The following SENP8 variants were observed in gnomAD, a reference collection of about 807,000 sequenced individuals.
SENP8 encodes sentrin-specific protease 8.
SENP8 carries 10 observed loss-of-function variants against 14.4 expected under a neutral mutation model. The ratio of observed to expected loss-of-function variants is 0.69; its 90% CI spans 0.43 to 1.18. The LOEUF (loss-of-function observed/expected upper bound fraction) is 1.18, where lower values mean the gene tolerates loss of function less well. Ranked by LOEUF, SENP8 falls within the 50% of genes most tolerant of loss-of-function variation. The pLI, the probability that SENP8 is intolerant of heterozygous loss-of-function variation, is 0.00. For missense variants in SENP8, 202 were observed against 249.4 expected, an observed-to-expected ratio of 0.81 and a Z score of 1.28; for synonymous variants, 94 against 95.5, an observed-to-expected ratio of 0.98 and a Z score of 0.09.
At chr15:72,119,594 A>G (rs1383597759) in intron 1 of SENP8, among the ~76,000 whole-genome samples, 1 of 152,088 alleles carries the variant, frequency 6.6e-6, no homozygotes, top group African/African-American at 2.4e-5. Flanking sequence ...TAAATATACA[A>G]AAAATTAGCC....
intron 1 of SENP8, among the ~76,000 whole-genome samples, chr15:72,130,986 TG>T (rs2081268599): frequency 1.3e-5 from 2 of 152,138 alleles, no homozygotes; most frequent in African/African-American, 4.8e-5. Context: ...CAGAATAACT[TG>T]GAAATATCTT....
At chr15:72,136,784 T>C (rs1223535087) in intron 1 of SENP8, among the ~76,000 whole-genome samples, 1 of 152,222 alleles carries the variant, frequency 6.6e-6, no homozygotes, top group African/African-American at 2.4e-5. Flanking sequence ...TATTTTCTTA[T>C]AATATGCTTT....
chr15:72,134,431 T>A (rs567146700), intron 1 of SENP8, among the ~76,000 whole-genome samples: 1 of 152,222 alleles, frequency 6.6e-6, no homozygotes, highest in South Asian at 2.1e-4. Context: ...ATTTAAAAAT[T>A]AGCCAGGCAT....
intron 1 of SENP8, among the ~76,000 whole-genome samples, chr15:72,125,036 C>G (rs1380271165): frequency 6.6e-6 from 1 of 151,988 alleles, no homozygotes; most frequent in East Asian, 1.9e-4. Flanking sequence ...TTTAATTTAC[C>G]AGTCCTTTTT....
At chr15:72,115,972 T>C (rs948623698), upstream of SENP8, among the ~76,000 whole-genome samples, 1 of 152,212 alleles carries the variant, frequency 6.6e-6, no homozygotes. Context: ...CACTTCCATA[T>C]GTATTGTTAA....
chr15:72,127,074 T>C (rs2081227718), intron 1 of SENP8, among the ~76,000 whole-genome samples: 1 of 152,232 alleles, frequency 6.6e-6, no homozygotes, highest in Non-Finnish European at 1.5e-5. Flanking sequence ...ACTCAATTAC[T>C]TATTCATTTA....
chr15:72,141,872 A>G lies in SENP8; in HGVS notation c.*1610A>G, dbSNP rs895770172. 1 of 152,248 alleles carries G rather than the reference A, an allele frequency of 6.6e-6. No individual in the cohort carries two copies. Among genetic ancestry groups the G allele is most frequent in the Non-Finnish European group, 1.5e-5 (1 of 68,054 alleles). The allele number at this position is 152,248 out of a possible 1,614,324, so 9.4% of individuals were successfully genotyped here. ...GCAAGAGAAGTGACAAAGGTCACTG[A>G]TGATAGGCCACAAGTGTAGATAAAG... On this transcript the variant is annotated 3_prime_UTR_variant, in exon 2 of 2. Transcript: ENST00000340912.
At chr15:72,134,657 GA>G in intron 1 of SENP8, 1 of 207,112 alleles carries the variant, frequency 4.8e-6, no homozygotes, top group Non-Finnish European at 1.0e-5. Flanking sequence ...AACACAAAGG[GA>G]AAGAGGAGAG....
chr15:72,134,967 A>G, intron 1 of SENP8: 1 of 308,520 alleles, frequency 3.2e-6, no homozygotes, highest in Non-Finnish European at 6.4e-6. Context: ...TCGTGAAGGA[A>G]AATGATCAGA....
At chr15:72,117,161 C>G (rs2081015140), upstream of SENP8, 1 of 152,194 alleles carries the variant, frequency 6.6e-6, no homozygotes, top group Non-Finnish European at 1.5e-5. Flanking sequence ...ACCACATCTA[C>G]CGGGAGTAAG....
At chr15:72,126,814 A>G (rs2081225308) in intron 1 of SENP8, among the ~76,000 whole-genome samples, 1 of 152,208 alleles carries the variant, frequency 6.6e-6, no homozygotes, top group South Asian at 2.1e-4. Context: ...TAAAGACTCC[A>G]TCATCATATT....
In SENP8 at chr15:72,140,842, T is replaced by C. The variant is rs1050225856; in HGVS notation, c.*580T>C. ...CCATGCACAGGCTTTTCCAGCTATC[T>C]ATATAATGTTTGCAAATATTTGATA... On this transcript the variant is annotated 3_prime_UTR_variant, in exon 2 of 2. Coordinates refer to ENST00000340912, the MANE Select transcript of SENP8 (RefSeq NM_145204.4). 2 of 167,242 alleles carry C rather than the reference T, an allele frequency of 1.2e-5. No homozygotes were observed. Among genetic ancestry groups the C allele is most frequent in the African/African-American group, 4.8e-5 (2 of 41,462 alleles). 10.4% of individuals were successfully genotyped at this position (167,242 alleles called of 1,614,324 possible). A position where few individuals can be genotyped will look rare whatever the true frequency, so the allele number is the denominator to read the frequency against.
intron 1 of SENP8, among the ~76,000 whole-genome samples, chr15:72,124,278 T>C (rs2140498272): frequency 6.6e-6 from 1 of 152,352 alleles, no homozygotes; most frequent in East Asian, 1.9e-4. Flanking sequence ...TGTCAGGCAC[T>C]GAAGTTAGAA....
At chr15:72,133,449 T>C (rs996982550) in intron 1 of SENP8, among the ~76,000 whole-genome samples, 1 of 152,232 alleles carries the variant, frequency 6.6e-6, no homozygotes, top group African/African-American at 2.4e-5. Flanking sequence ...TGAAAGCACT[T>C]TCTTTACCTC....
upstream of SENP8, among the ~76,000 whole-genome samples, chr15:72,115,391 TA>T (rs1188316000): frequency 4.6e-5 from 7 of 152,126 alleles, no homozygotes; most frequent in Non-Finnish European, 1.0e-4. Flanking sequence ...TTAACCCCTC[TA>T]TCCTTCCTCC....
Position 72,141,022 on chromosome 15 carries a change from C to T in SENP8, c.*760C>T, listed in dbSNP as rs1406647237. 5 of 166,536 alleles carry T rather than the reference C, an allele frequency of 3.0e-5. No individual in the cohort carries two copies. Among genetic ancestry groups the T allele is most frequent in the African/African-American group, 1.2e-4 (5 of 41,452 alleles). 10.3% of individuals were successfully genotyped at this position (166,536 alleles called of 1,614,324 possible). A position where few individuals can be genotyped will look rare whatever the true frequency, so the allele number is the denominator to read the frequency against. On this transcript the variant is annotated 3_prime_UTR_variant, in exon 2 of 2. Coordinates refer to ENST00000340912, the MANE Select transcript of SENP8 (RefSeq NM_145204.4). Reference sequence around the variant, plus strand: ...CTACTCTGGATTAATAACTGCTTTTCTCTGCCTTGTCTATTAGCCATGCAC... The same window carrying T: ...CTACTCTGGATTAATAACTGCTTTTTTCTGCCTTGTCTATTAGCCATGCAC...
At chr15:72,137,523 T>A (rs2081338124) in intron 1 of SENP8, among the ~76,000 whole-genome samples, 1 of 152,184 alleles carries the variant, frequency 6.6e-6, no homozygotes, top group Non-Finnish European at 1.5e-5. Context: ...GTTATATCAC[T>A]CATGCTCATA....
At position 72,139,925 on chromosome 15, in the gene SENP8, C is replaced by T; in HGVS notation, c.302C>T (p.Thr101Ile). 2 of 1,614,140 alleles carry T rather than the reference C, an allele frequency of 1.2e-6. No homozygotes were observed. Among genetic ancestry groups the T allele is most frequent in the Non-Finnish European group, 1.7e-6 (2 of 1,179,998 alleles). ...AACTCCAACCAGGCAGCTGGAGGAACCCACTGGAGTTTATTGGTCTACCTC... is the reference window on the plus strand; with the variant it reads ...AACTCCAACCAGGCAGCTGGAGGAATCCACTGGAGTTTATTGGTCTACCTC... ...NDNSNQAAGG[T>I]HWSLLVYLQD... The change falls in exon 2 of 2, where the codon ACC (threonine) becomes ATC (isoleucine). Residue 101 changes from threonine to isoleucine, a missense_variant. Thr to Ile is a moderately conservative substitution (Grantham distance 89, BLOSUM62 -1). Coordinates refer to ENST00000340912, the MANE Select transcript of SENP8 (RefSeq NM_145204.4).
intron 1 of SENP8, among the ~76,000 whole-genome samples, chr15:72,138,615 G>T (rs1413937659): frequency 2.0e-5 from 3 of 151,248 alleles, no homozygotes; most frequent in Non-Finnish European, 3.0e-5. Flanking sequence ...CTCCCAAAGT[G>T]CTGGGATTTC....
Sources: allele counts gnomAD v4.1 joint callset (sites outside exome capture counted in the v4.1 genomes callset), GRCh38; gene constraint gnomAD v4.1.1; transcripts MANE v1.5; gene names NCBI Gene and HGNC (gene_info 2026-07-23, HGNC 2026-07-21).